KAZN: variants seen among roughly 807,000 people sequenced by gnomAD.
KAZN encodes kazrin, periplakin interacting protein, also known as kazrin.
KAZN carries 40 observed loss-of-function variants against 87.4 expected under a neutral mutation model. The ratio of observed to expected loss-of-function variants is 0.46; its 90% confidence interval spans 0.36 to 0.60. The LOEUF (loss-of-function observed/expected upper bound fraction) is 0.60. Among genes scored for constraint, KAZN ranks in the 20% least tolerant of loss-of-function variants. The pLI is 0.00. For missense variants in KAZN, 898 were observed against 1,073.9 expected (o/e 0.84, Z 2.29); for synonymous variants, 466 against 458.3 (o/e 1.02, Z -0.22).
At chr1:14,163,144 A>G (rs537917295) in intron 1 of KAZN, among the ~76,000 whole-genome samples, 3 of 152,238 alleles carry the variant, frequency 2.0e-5, no homozygotes, top group African/African-American at 7.2e-5. Flanking sequence ...TTCCCTCCTC[A>G]GAGGAAAGAA....
At chr1:14,282,626 A>T (rs1479417824) in intron 2 of KAZN, among the ~76,000 whole-genome samples, 1 of 152,022 alleles carries the variant, frequency 6.6e-6, no homozygotes, top group Non-Finnish European at 1.5e-5. Flanking sequence ...TTGGAGACCG[A>T]CCCTCTTACC....
chr1:14,688,889 T>G (rs1202853417), intron 1 of KAZN, among the ~76,000 whole-genome samples: 1 of 152,204 alleles, frequency 6.6e-6, no homozygotes, highest in Non-Finnish European at 1.5e-5. Context: ...TTTTTAAAAA[T>G]GCCAGTAAGA....
intron 1 of KAZN, among the ~76,000 whole-genome samples, chr1:14,714,382 G>A (rs1435151205): frequency 6.6e-6 from 1 of 152,044 alleles, no homozygotes; most frequent in Non-Finnish European, 1.5e-5. Flanking sequence ...TGTTGGAGAG[G>A]CATTATTAAA....
At chr1:14,035,353 C>T (rs1641507826) in intron 1 of KAZN, among the ~76,000 whole-genome samples, 1 of 152,114 alleles carries the variant, frequency 6.6e-6, no homozygotes, top group African/African-American at 2.4e-5. Context: ...GGAGAGAAGG[C>T]TTCCCAGAGT....
At chr1:14,305,819 G>C (rs533945449) in intron 2 of KAZN, among the ~76,000 whole-genome samples, 11 of 152,214 alleles carry the variant, frequency 7.2e-5, no homozygotes, top group Non-Finnish European at 1.5e-4. Context: ...AATCTCCTTT[G>C]CTTCTACGAT....
intron 1 of KAZN, among the ~76,000 whole-genome samples, chr1:14,031,015 A>C (rs1446737962): frequency 6.6e-6 from 1 of 152,114 alleles, no homozygotes; most frequent in Non-Finnish European, 1.5e-5. Context: ...TTTTGTGCCC[A>C]CGGTTTCTCC....
At chr1:14,251,168 A>G (rs1456935615) in intron 2 of KAZN, among the ~76,000 whole-genome samples, 1 of 152,204 alleles carries the variant, frequency 6.6e-6, no homozygotes, top group Admixed American at 6.5e-5. Flanking sequence ...AATTCCATCC[A>G]CGGAATGGGG....
chr1:14,659,369 T>A (rs1572157302), intron 1 of KAZN, among the ~76,000 whole-genome samples: 1 of 152,132 alleles, frequency 6.6e-6, no homozygotes, highest in East Asian at 1.9e-4. Flanking sequence ...GATGGCCTTT[T>A]AACCTTAATG....
At chr1:14,328,114 T>C (rs1224407463) in intron 2 of KAZN, among the ~76,000 whole-genome samples, 1 of 152,164 alleles carries the variant, frequency 6.6e-6, no homozygotes, top group East Asian at 1.9e-4. Context: ...ACCTATTTCC[T>C]CCCCAATGGA....
intron 2 of KAZN, among the ~76,000 whole-genome samples, chr1:14,219,903 A>T (rs1316062262): frequency 3.3e-5 from 5 of 152,194 alleles, no homozygotes; most frequent in Non-Finnish European, 7.3e-5. Context: ...ACTCAACATG[A>T]CTGAAACCCA....
chr1:14,447,114 T>C (rs972034964), intron 2 of KAZN, among the ~76,000 whole-genome samples: 1 of 152,004 alleles, frequency 6.6e-6, no homozygotes, highest in African/African-American at 2.4e-5. Flanking sequence ...TATGTCCATG[T>C]GTGCTTTATA....
At chr1:15,005,798 A>C (rs192200297) in intron 2 of KAZN, among the ~76,000 whole-genome samples, 8 of 152,008 alleles carry the variant, frequency 5.3e-5, no homozygotes, top group Non-Finnish European at 1.2e-4. Context: ...CTCCAAAAAA[A>C]AAAAAATTGT....
At chr1:15,010,324 G>C (rs1669448087) in intron 2 of KAZN, among the ~76,000 whole-genome samples, 2 of 150,110 alleles carry the variant, frequency 1.3e-5, no homozygotes, top group South Asian at 2.1e-4. Flanking sequence ...TTTTTTGAAA[G>C]ACTCCTTCAA....
intron 1 of KAZN, among the ~76,000 whole-genome samples, chr1:14,722,355 A>G: frequency 6.6e-6 from 1 of 152,198 alleles, no homozygotes. Context: ...CACAAATCTT[A>G]AACATTACAG....
rs114111417 is a variant in KAZN at position 14,602,116 on chromosome 1, A to T, written c.226+2893A>T. Among the ~76,000 whole-genome samples the T allele has an allele frequency of 3.6e-3, 549 of 152,262 alleles. 6 individuals carry two copies. The highest frequency in any genetic ancestry group is 0.012 in the African/African-American group (519 of 41,556). ...GTAGGTAGGTTGGTATCCCCTTTTG[A>T]TGAAGAAAATTTGGGTTTTCCTAGC... is the stretch of plus-strand genomic sequence containing the variant. On this transcript the variant is annotated intron_variant, in intron 1 of 14. Transcript: ENST00000376030.
At chr1:13,950,536 A>G in intron 1 of KAZN, among the ~76,000 whole-genome samples, 1 of 152,202 alleles carries the variant, frequency 6.6e-6, no homozygotes. Flanking sequence ...GGGCTTCCTT[A>G]CTAGACTATC....
chr1:14,695,966 G>C (rs114909978), intron 1 of KAZN, among the ~76,000 whole-genome samples: 5 of 152,164 alleles, frequency 3.3e-5, no homozygotes, highest in Non-Finnish European at 7.3e-5. Context: ...ACAGTAAAAA[G>C]CCTTCCAGGA....
At chr1:14,131,465 A>C (rs1644990874) in intron 1 of KAZN, among the ~76,000 whole-genome samples, 1 of 152,178 alleles carries the variant, frequency 6.6e-6, no homozygotes, top group African/African-American at 2.4e-5. Flanking sequence ...CTAAGCCCCT[A>C]AAACAAACTT....
At chr1:14,912,589 C>A (rs1403068784) in intron 1 of KAZN, among the ~76,000 whole-genome samples, 1 of 152,098 alleles carries the variant, frequency 6.6e-6, no homozygotes, top group Admixed American at 6.6e-5. Flanking sequence ...CCATGTTGCC[C>A]AGGCTGGTCT....
Sources: gnomAD v4.1 joint callset for allele counts (sites outside exome capture counted in the v4.1 genomes callset) on GRCh38, gnomAD v4.1.1 for gene constraint, MANE v1.5 for transcripts, NCBI Gene and HGNC (gene_info 2026-07-23, HGNC 2026-07-21) for gene names.